PDE1C: variants seen among roughly 807,000 people sequenced by gnomAD.
The protein encoded by PDE1C is dual specificity calcium/calmodulin-dependent 3',5'-cyclic nucleotide phosphodiesterase 1C.
In PDE1C, 62 loss-of-function variants were observed where a neutral mutation model predicts 93.1. The ratio of observed to expected loss-of-function variants is 0.67; its 90% CI spans 0.54 to 0.82. PDE1C has a LOEUF of 0.82. PDE1C is among the 40% of genes least tolerant of loss of function. The probability of loss-of-function intolerance (pLI) is 0.00; values close to 1 mark genes in which losing one functional copy is unlikely to be tolerated. For synonymous variants in PDE1C, 325 were observed against 310.1 expected, an observed-to-expected ratio of 1.05 and a Z score of -0.50; for missense variants, 742 against 884.6, an observed-to-expected ratio of 0.84 and a Z score of 2.04.
intron 1 of PDE1C, among the ~76,000 whole-genome samples, chr7:32,305,637 G>A (rs1812980507): frequency 6.6e-6 from 1 of 152,330 alleles, no homozygotes; most frequent in Admixed American, 6.5e-5. Flanking sequence ...TGTCAAGCCA[G>A]GCTAGCCTTT....
the PDE1C span, chr7:31,643,945 C>T: frequency 5.0e-6 from 8 of 1,608,468 alleles, no homozygotes; most frequent in Non-Finnish European, 6.8e-6. Context: ...AGTGAGGGAG[C>T]TATGTTCCGT....
rs368969391 is a variant in PDE1C, at chr7:32,117,243, G to C, written c.308+52542C>G. Among the ~76,000 whole-genome samples the C allele has an allele frequency of 5.3e-5, 8 of 152,258 alleles. No individual in the cohort carries two copies. In the East Asian group the frequency reaches 1.2e-3, roughly 22 times the overall value. On this transcript the variant is annotated intron_variant, in intron 3 of 18. Transcript: ENST00000396193. Reference sequence around the variant, plus strand: ...TGAAGAATCTCAAGCAGTTTGTCTAGATAGGCTTTCAAAACTATTTGACAA... The same window carrying C: ...TGAAGAATCTCAAGCAGTTTGTCTACATAGGCTTTCAAAACTATTTGACAA...
intron 2 of PDE1C, among the ~76,000 whole-genome samples, chr7:31,953,055 G>A (rs1247047120): frequency 6.6e-6 from 1 of 152,054 alleles, no homozygotes; most frequent in African/African-American, 2.4e-5. Flanking sequence ...TCCACAGTAG[G>A]TGTTCAAAAA....
chr7:31,685,084 A>C, the PDE1C span, among the ~76,000 whole-genome samples: 2 of 152,108 alleles, frequency 1.3e-5, no homozygotes, highest in Non-Finnish European at 2.9e-5. Context: ...ATTGACACAC[A>C]CAACAACCTG....
At chr7:31,643,775 C>T in the PDE1C span, 2 of 1,613,990 alleles carry the variant, frequency 1.2e-6, no homozygotes, top group South Asian at 2.2e-5. Flanking sequence ...CATGCTATAC[C>T]TGCCCACTGC....
the PDE1C span, among the ~76,000 whole-genome samples, chr7:31,722,345 G>C: frequency 6.6e-6 from 1 of 152,106 alleles, no homozygotes; most frequent in Non-Finnish European, 1.5e-5. Context: ...ATGTTCTCCT[G>C]ATATAAAATG....
At chr7:31,733,006 C>T in the PDE1C span, among the ~76,000 whole-genome samples, 1 of 152,250 alleles carries the variant, frequency 6.6e-6, no homozygotes, top group South Asian at 2.1e-4. Context: ...AAAGCCATTC[C>T]ATAAGGTTGT....
intron 1 of PDE1C, among the ~76,000 whole-genome samples, chr7:32,378,622 G>C (rs1784474539): frequency 6.6e-6 from 1 of 152,002 alleles, no homozygotes; most frequent in Non-Finnish European, 1.5e-5. Context: ...TTTGCCTTTT[G>C]AGATGTCTTT....
chr7:31,707,170 G>A, the PDE1C span: 16 of 1,583,356 alleles, frequency 1.0e-5, no homozygotes, highest in South Asian at 1.8e-4. Context: ...TTAATTAGAG[G>A]TACTTAATTG....
rs560728550 is a variant in PDE1C, at chr7:32,391,791, T to A, written c.310+36031A>T. On this transcript the variant is annotated intron_variant, in intron 1 of 1. Coordinates refer to the PDE1C transcript ENST00000672256. ...AAGTAAGAAAATATTTTGAGCTGAA[T>A]GAAAATGAAAGCATACTATATCAAA... 3.9e-5 allele frequency among the ~76,000 whole-genome samples: 6 copies of A among 151,954 alleles called. No individual in the cohort carries two copies. The East Asian group carries it at 9.7e-4, about 24-fold the overall frequency.
the PDE1C span, among the ~76,000 whole-genome samples, chr7:31,654,403 C>A: frequency 6.6e-6 from 1 of 152,188 alleles, no homozygotes; most frequent in Non-Finnish European, 1.5e-5. Flanking sequence ...ATGACCAAGT[C>A]TTTGCATCTG....
At chr7:31,823,300 T>A in intron 13 of PDE1C, 52 bp from the exon 14 acceptor site, 1 of 1,507,406 alleles carries the variant, frequency 6.6e-7, no homozygotes, top group East Asian at 2.3e-5. Context: ...TTGGAAAATG[T>A]CTGCCAATGA....
chr7:31,730,581 C>T, the PDE1C span, among the ~76,000 whole-genome samples: 1 of 152,344 alleles, frequency 6.6e-6, no homozygotes, highest in Non-Finnish European at 1.5e-5. Flanking sequence ...GTTAAATAAA[C>T]ATTTACTAAA....
intron 1 of PDE1C, among the ~76,000 whole-genome samples, chr7:32,420,967 T>C (rs1372835065): frequency 2.0e-5 from 3 of 152,118 alleles, no homozygotes; most frequent in African/African-American, 7.2e-5. Flanking sequence ...TCTCACCTGA[T>C]CCCAGCTCTC....
chr7:32,392,693 A>G (rs1400781919), intron 1 of PDE1C, among the ~76,000 whole-genome samples: 1 of 152,216 alleles, frequency 6.6e-6, no homozygotes, highest in Non-Finnish European at 1.5e-5. Context: ...CAAAAGCCAC[A>G]TGATCATCTC....
chr7:32,050,587 T>TAC (rs1178056375), intron 2 of PDE1C, among the ~76,000 whole-genome samples: 2 of 152,068 alleles, frequency 1.3e-5, no homozygotes, highest in East Asian at 1.9e-4. Context: ...TATATATATA[T>TAC]ACACATATGA....
the PDE1C span, chr7:31,707,416 G>A: frequency 1.5e-6 from 1 of 677,830 alleles, no homozygotes; most frequent in South Asian, 2.1e-5. Context: ...TTCTCCCCAG[G>A]AGATGTATGC....
chr7:32,240,803 T>A (rs1274671998), intron 1 of PDE1C, among the ~76,000 whole-genome samples: 2 of 152,090 alleles, frequency 1.3e-5, no homozygotes, highest in Admixed American at 6.6e-5. Flanking sequence ...CTTTAAGAAT[T>A]GGTGGGTGGA....
chr7:31,872,376 A>G (rs931597033), intron 6 of PDE1C, among the ~76,000 whole-genome samples: 2 of 152,152 alleles, frequency 1.3e-5, no homozygotes, highest in African/African-American at 4.8e-5. Context: ...TAGCTAGAAG[A>G]GAGGACTTGA....
Sources: gnomAD v4.1 joint callset for allele counts (sites outside exome capture counted in the v4.1 genomes callset) on GRCh38, gnomAD v4.1.1 for gene constraint, MANE v1.5 for transcripts, NCBI Gene and HGNC (gene_info 2026-07-23, HGNC 2026-07-21) for gene names.